The following RBFOX1 variants were observed in gnomAD, a reference collection of about 807,000 sequenced individuals.
RBFOX1 encodes the protein RNA binding protein fox-1 homolog 1.
A neutral mutation model predicts 57.7 loss-of-function variants in RBFOX1; 8 were observed. The ratio of observed to expected loss-of-function variants is 0.14; its 90% CI spans 0.08 to 0.25. RBFOX1 has a LOEUF of 0.25. RBFOX1 is among the 10% of genes least tolerant of loss of function. RBFOX1 has a pLI of 1.00. For synonymous variants in RBFOX1, 326 were observed against 222.4 expected, an observed-to-expected ratio of 1.47 and a Z score of -4.15; for missense variants, 611 against 548.5, an observed-to-expected ratio of 1.11 and a Z score of -1.14.
At chr16:5,321,427 A>T (rs1413598648) in intron 1 of RBFOX1, among the ~76,000 whole-genome samples, 1 of 151,410 alleles carries the variant, frequency 6.6e-6, no homozygotes, top group African/African-American at 2.4e-5. Flanking sequence ...TCATGCCATT[A>T]TCCTGCCTCA....
chr16:7,148,682 A>G (rs547370560), intron 4 of RBFOX1, among the ~76,000 whole-genome samples: 30 of 152,258 alleles, frequency 2.0e-4, no homozygotes, highest in African/African-American at 6.0e-4. Context: ...GTGCCGCTCT[A>G]CTCTCTACAG....
At chr16:6,350,093 A>G (rs1274892566) in intron 2 of RBFOX1, among the ~76,000 whole-genome samples, 1 of 152,166 alleles carries the variant, frequency 6.6e-6, no homozygotes. Context: ...AAAATCATGC[A>G]ATTGATATTG....
At chr16:6,876,270 A>T (rs1451942448) in intron 3 of RBFOX1, among the ~76,000 whole-genome samples, 3 of 152,156 alleles carry the variant, frequency 2.0e-5, no homozygotes, top group African/African-American at 2.4e-5. Context: ...TATTCTTGGG[A>T]ATTGTCCTAG....
At chr16:5,971,961 A>G (rs552909020) in intron 4 of RBFOX1, among the ~76,000 whole-genome samples, 2 of 152,358 alleles carry the variant, frequency 1.3e-5, no homozygotes, top group African/African-American at 4.8e-5. Context: ...GCTCCCCTGC[A>G]TCAGAGAGAA....
chr16:7,544,776 T>G (rs904120427), intron 5 of RBFOX1, among the ~76,000 whole-genome samples: 2 of 152,176 alleles, frequency 1.3e-5, no homozygotes, highest in African/African-American at 4.8e-5. Flanking sequence ...ACATGAGATA[T>G]TTTTTCTTGT....
At position 5,767,363 on chromosome 16, in the gene RBFOX1, C is replaced by G. The variant is rs116630138; in HGVS notation, c.319-99940C>G. On this transcript the variant is annotated intron_variant, in intron 3 of 19. Transcript: ENST00000641259. Reference sequence around the variant, plus strand: ...AGATGGGATGCTGCCCAGAGGACCTCCACAGAAATTCATTAACTGAGAGAA... The same window carrying G: ...AGATGGGATGCTGCCCAGAGGACCTGCACAGAAATTCATTAACTGAGAGAA... Among the ~76,000 whole-genome samples the G allele has an allele frequency of 4.4e-3, 663 of 152,284 alleles. 8 individuals carry two copies. Among genetic ancestry groups the G allele is most frequent in the African/African-American group, 0.015 (636 of 41,550 alleles).
At chr16:7,611,773 G>C (rs543189125) in intron 10 of RBFOX1, among the ~76,000 whole-genome samples, 1 of 152,084 alleles carries the variant, frequency 6.6e-6, no homozygotes, top group African/African-American at 2.4e-5. Flanking sequence ...TCCAGAGGAA[G>C]CATTGAGAAC....
In RBFOX1 at chr16:6,080,315, C is replaced by G. The variant is rs546617920; in HGVS notation, c.-127+60323C>G. Among the ~76,000 whole-genome samples the G allele has an allele frequency of 2.2e-4, 33 of 152,296 alleles. No individual in the cohort carries two copies. The East Asian group carries it at 6.0e-3, about 28-fold the overall frequency. ...CCACCATTTTCTGCTTCACATGAAT[C>G]AGAGAACCTGGGTATCTCTGACCTT... On this transcript the variant is annotated intron_variant, in intron 1 of 15. Coordinates refer to ENST00000550418, the MANE Select transcript of RBFOX1 (RefSeq NM_018723.4).
intron 1 of RBFOX1, among the ~76,000 whole-genome samples, chr16:6,294,343 A>G (rs1379316194): frequency 6.6e-6 from 1 of 152,236 alleles, no homozygotes; most frequent in African/African-American, 2.4e-5. Context: ...ATATGGTCCC[A>G]GTATGGTTAG....
At chr16:6,559,659 C>T (rs1599832878) in intron 2 of RBFOX1, among the ~76,000 whole-genome samples, 1 of 152,006 alleles carries the variant, frequency 6.6e-6, no homozygotes, top group Non-Finnish European at 1.5e-5. Context: ...AATATATACC[C>T]ACACACACAA....
intron 2 of RBFOX1, among the ~76,000 whole-genome samples, chr16:6,634,789 G>C (rs7199786): frequency 7.4e-6 from 1 of 135,256 alleles, no homozygotes; most frequent in African/African-American, 2.7e-5. Flanking sequence ...ATAATACAAA[G>C]ATATACATAT....
intron 13 of RBFOX1, among the ~76,000 whole-genome samples, chr16:7,673,501 G>C (rs548509646): frequency 6.6e-6 from 1 of 152,318 alleles, no homozygotes; most frequent in African/African-American, 2.4e-5. Flanking sequence ...GATCCCAGGA[G>C]TTTGACAGCA....
At chr16:6,223,119 G>T (rs2097388405) in intron 1 of RBFOX1, among the ~76,000 whole-genome samples, 1 of 149,130 alleles carries the variant, frequency 6.7e-6, no homozygotes, top group South Asian at 2.2e-4. Flanking sequence ...ATTTGGGTTG[G>T]TTCCAAGTCT....
At chr16:7,365,785 T>C (rs1253741524) in intron 4 of RBFOX1, among the ~76,000 whole-genome samples, 1 of 152,158 alleles carries the variant, frequency 6.6e-6, no homozygotes, top group African/African-American at 2.4e-5. Context: ...AGTCAGTGTA[T>C]GCAAAGTGAT....
At chr16:7,615,897 G>A (rs138610356) in intron 10 of RBFOX1, among the ~76,000 whole-genome samples, 1 of 152,256 alleles carries the variant, frequency 6.6e-6, no homozygotes, top group Non-Finnish European at 1.5e-5. Context: ...CGCTATTCGA[G>A]ATGCCACATA....
Position 7,631,271 on chromosome 16 carries a change from G to A in RBFOX1, c.757+588G>A, listed in dbSNP as rs148938419. On this transcript the variant is annotated intron_variant, in intron 11 of 15. Coordinates refer to ENST00000550418, the MANE Select transcript of RBFOX1 (RefSeq NM_018723.4). ...AAATAACTGTCTTTTAAAAAATCGG[G>A]GCACTTTTAAACGTAGATAAGTATA... Among the ~76,000 whole-genome samples the A allele has an allele frequency of 3.0e-3, 462 of 152,232 alleles. 3 individuals are homozygous for A. Among genetic ancestry groups the A allele is most frequent in the African/African-American group, 0.01 (435 of 41,532 alleles).
At chr16:6,148,389 CT>C (rs1431828857) in intron 1 of RBFOX1, among the ~76,000 whole-genome samples, 1 of 152,200 alleles carries the variant, frequency 6.6e-6, no homozygotes, top group African/African-American at 2.4e-5. Flanking sequence ...TTTTGTTTCA[CT>C]TTTCTATTTC....
At chr16:7,379,669 T>A (rs779812968) in intron 4 of RBFOX1, among the ~76,000 whole-genome samples, 1 of 152,122 alleles carries the variant, frequency 6.6e-6, no homozygotes, top group African/African-American at 2.4e-5. Context: ...ACAGGGTATT[T>A]AGCCACACTG....
chr16:6,510,998 A>T (rs1691023730), intron 2 of RBFOX1, among the ~76,000 whole-genome samples: 1 of 152,190 alleles, frequency 6.6e-6, no homozygotes, highest in African/African-American at 2.4e-5. Context: ...CAATGCTGTC[A>T]CGAGCTGTTA....
Sources: allele counts gnomAD v4.1 joint callset (sites outside exome capture counted in the v4.1 genomes callset), GRCh38; gene constraint gnomAD v4.1.1; transcripts MANE v1.5; gene names NCBI Gene and HGNC (gene_info 2026-07-23, HGNC 2026-07-21).